Variants in FSTL4 observed in about 807,000 individuals in gnomAD.
FSTL4 encodes follistatin-related protein 4.
Under a neutral mutation model 78.2 loss-of-function variants are expected in FSTL4, and 28 were observed. That is an observed-to-expected ratio of 0.36 (90% confidence interval 0.27 to 0.49). FSTL4 has a LOEUF of 0.49. Among genes scored for constraint, FSTL4 ranks in the 20% least tolerant of loss-of-function variants. The pLI is 0.98. For synonymous variants in FSTL4, 422 were observed against 440.5 expected (o/e 0.96, Z 0.53); for missense variants, 922 against 1,084.9 (o/e 0.85, Z 2.11).
At chr5:133,609,995 ACACT>A (rs1761057091) in intron 1 of FSTL4, among the ~76,000 whole-genome samples, 1 of 152,252 alleles carries the variant, frequency 6.6e-6, no homozygotes, top group Non-Finnish European at 1.5e-5. Flanking sequence ...TTGCAGAGAA[ACACT>A]CAAACAAGGC....
At chr5:133,485,004 C>A (rs573371977) in intron 3 of FSTL4, among the ~76,000 whole-genome samples, 1 of 152,296 alleles carries the variant, frequency 6.6e-6, no homozygotes, top group African/African-American at 2.4e-5. Context: ...AGGGTAACTT[C>A]AGCCAAAGAA....
chr5:133,328,316 G>T (rs954356826), intron 4 of FSTL4, among the ~76,000 whole-genome samples: 1 of 152,236 alleles, frequency 6.6e-6, no homozygotes, highest in Non-Finnish European at 1.5e-5. Flanking sequence ...ACCTTTGTTA[G>T]ATAAATGGTA....
chr5:133,364,454 G>A (rs1755135285), intron 4 of FSTL4, among the ~76,000 whole-genome samples: 1 of 152,308 alleles, frequency 6.6e-6, no homozygotes, highest in East Asian at 1.9e-4. Context: ...CCATGCCAGG[G>A]GCCTCTTACA....
At chr5:133,831,422 G>C in the FSTL4 span, among the ~76,000 whole-genome samples, 20,055 of 152,050 alleles carry the variant, frequency 0.13, 1,469 homozygotes, top group African/African-American at 0.19. Context: ...ATCCCCACCC[G>C]AGAACTCCAC....
the FSTL4 span, among the ~76,000 whole-genome samples, chr5:133,830,615 C>A: frequency 1.3e-5 from 2 of 152,206 alleles, no homozygotes; most frequent in South Asian, 4.1e-4. Flanking sequence ...ATCATCCCCA[C>A]TTCCCAGATG....
chr5:133,394,420 C>A (rs968903594), intron 4 of FSTL4, among the ~76,000 whole-genome samples: 1 of 152,232 alleles, frequency 6.6e-6, no homozygotes, highest in African/African-American at 2.4e-5. Flanking sequence ...TCCAGGTGGG[C>A]ATGGGCTTGG....
At chr5:133,261,189 A>G (rs1180878191) in intron 6 of FSTL4, among the ~76,000 whole-genome samples, 1 of 152,136 alleles carries the variant, frequency 6.6e-6, no homozygotes, top group Non-Finnish European at 1.5e-5. Context: ...GCCCCACTGC[A>G]TGTTTCCTGG....
chr5:133,264,715 T>A (rs1752606365), intron 6 of FSTL4, among the ~76,000 whole-genome samples: 1 of 152,222 alleles, frequency 6.6e-6, no homozygotes, highest in Non-Finnish European at 1.5e-5. Context: ...GGTAGGTTCT[T>A]TAAATTATCT....
intron 3 of FSTL4, among the ~76,000 whole-genome samples, chr5:133,543,502 T>C (rs1251718656): frequency 1.3e-5 from 2 of 152,262 alleles, no homozygotes; most frequent in East Asian, 3.8e-4. Flanking sequence ...GAATAGTTAT[T>C]ATCTTCCTGG....
chr5:133,445,789 T>C (rs537676241), intron 3 of FSTL4, among the ~76,000 whole-genome samples: 37 of 152,204 alleles, frequency 2.4e-4, no homozygotes, highest in Non-Finnish European at 4.3e-4. Flanking sequence ...AGAGAAATTC[T>C]TGGGGATTAT....
intron 6 of FSTL4, among the ~76,000 whole-genome samples, chr5:133,268,965 A>G (rs1159155418): frequency 6.6e-6 from 1 of 152,002 alleles, no homozygotes; most frequent in African/African-American, 2.4e-5. Flanking sequence ...GTAGATCACC[A>G]GGTCAGGAGA....
intron 7 of FSTL4, chr5:133,244,077 A>T (rs1751962836): frequency 6.6e-6 from 1 of 152,510 alleles, no homozygotes; most frequent in Non-Finnish European, 1.5e-5. Context: ...TCCCAACCCC[A>T]ATACCTAGAA....
the FSTL4 span, among the ~76,000 whole-genome samples, chr5:133,808,218 C>T: frequency 6.6e-6 from 1 of 152,258 alleles, no homozygotes; most frequent in African/African-American, 2.4e-5. Flanking sequence ...ATCTTTAAGA[C>T]ATAGTGCATC....
intron 3 of FSTL4, among the ~76,000 whole-genome samples, chr5:133,444,504 C>CA (rs1351304404): frequency 6.6e-6 from 1 of 152,092 alleles, no homozygotes; most frequent in African/African-American, 2.4e-5. Flanking sequence ...GCAGGGTGAT[C>CA]AAAAAAGGTC....
intron 6 of FSTL4, among the ~76,000 whole-genome samples, chr5:133,304,348 C>T (rs1753611972): frequency 6.6e-6 from 1 of 152,102 alleles, no homozygotes; most frequent in Non-Finnish European, 1.5e-5. Context: ...TGATGTCAGG[C>T]TGGGCTGTGT....
chr5:133,213,516 G>A (rs1490014988), intron 13 of FSTL4, among the ~76,000 whole-genome samples: 1 of 152,192 alleles, frequency 6.6e-6, no homozygotes, highest in Non-Finnish European at 1.5e-5. Context: ...GAGGGTTGAA[G>A]GAGTTGAAGT....
At chr5:133,498,590 C>T (rs1318563290) in intron 3 of FSTL4, among the ~76,000 whole-genome samples, 29 of 151,926 alleles carry the variant, frequency 1.9e-4, no homozygotes, top group African/African-American at 6.8e-4. Flanking sequence ...TGGTGGCACA[C>T]ACCTGCAATC....
At chr5:133,339,935 G>C (rs6880413) in intron 4 of FSTL4, among the ~76,000 whole-genome samples, 3,064 of 152,316 alleles carry the variant, frequency 0.02, 91 homozygotes, top group African/African-American at 0.069. Flanking sequence ...GCTCCACTCA[G>C]TGTGAAAAAG....
chr5:133,305,611 G>A (rs188125682), intron 6 of FSTL4, among the ~76,000 whole-genome samples: 5 of 152,164 alleles, frequency 3.3e-5, no homozygotes, highest in East Asian at 3.9e-4. Flanking sequence ...CTCTCTACCC[G>A]CTGCCTCTCT....
Sources: gnomAD v4.1 joint callset for allele counts (sites outside exome capture counted in the v4.1 genomes callset) on GRCh38, gnomAD v4.1.1 for gene constraint, MANE v1.5 for transcripts, NCBI Gene and HGNC (gene_info 2026-07-23, HGNC 2026-07-21) for gene names.